Variants in SEMA3A observed in about 807,000 individuals in gnomAD.
SEMA3A encodes the protein semaphorin-3A.
SEMA3A carries 29 observed loss-of-function variants against 97.9 expected under a neutral mutation model. The observed-to-expected ratio is 0.30, with a 90% CI of 0.22 to 0.40. The LOEUF (loss-of-function observed/expected upper bound fraction) is 0.40, where lower values mean the gene tolerates loss of function less well. Ranked by LOEUF, SEMA3A falls within the 10% of genes least tolerant of loss-of-function variation. SEMA3A has a pLI of 1.00. For synonymous variants in SEMA3A, 321 were observed against 323.7 expected (o/e 0.99, Z 0.09); for missense variants, 763 against 951.3 (o/e 0.80, Z 2.60).
intron 2 of SEMA3A, among the ~76,000 whole-genome samples, chr7:84,354,054 GTCA>G (rs1802498590): frequency 6.6e-6 from 1 of 151,484 alleles, no homozygotes; most frequent in Non-Finnish European, 1.5e-5. Context: ...AAATAAAAAT[GTCA>G]TCATATTTTA....
Position 84,378,974 on chromosome 7 carries a change from T to C in SEMA3A, c.-245-7074A>G, listed in dbSNP as rs561303476. Among the ~76,000 whole-genome samples, 114 of 152,120 alleles carry C rather than the reference T, an allele frequency of 7.5e-4. 3 individuals are homozygous for C. The South Asian group carries it at 0.023, about 30-fold the overall frequency. ...TGGAATCTTGCTCTGTCGCCCAGGC[T>C]GGAGTGCAGTGGCACAATCTCGGCT... is the stretch of plus-strand genomic sequence containing the variant. On this transcript the variant is annotated intron_variant, in intron 1 of 3. Coordinates refer to the SEMA3A transcript ENST00000424555.
At chr7:84,352,335 T>TATA in intron 2 of SEMA3A, among the ~76,000 whole-genome samples, 1 of 151,130 alleles carries the variant, frequency 6.6e-6, no homozygotes, top group East Asian at 2.0e-4. Flanking sequence ...AGAGTGATTA[T>TATA]GGTCAAATAT....
At chr7:84,205,640 T>C (rs771890370) in intron 3 of SEMA3A, among the ~76,000 whole-genome samples, 2 of 152,188 alleles carry the variant, frequency 1.3e-5, no homozygotes, top group Non-Finnish European at 2.9e-5. Context: ...TGCCACAATC[T>C]GAATAGAATT....
chr7:84,023,995 G>C (rs1212481314), intron 6 of SEMA3A, among the ~76,000 whole-genome samples: 3 of 142,274 alleles, frequency 2.1e-5, no homozygotes, highest in African/African-American at 5.3e-5. Context: ...CTGGGCAACG[G>C]AGCGAGACTC....
At chr7:84,458,187 T>C (rs1028742626) in intron 1 of SEMA3A, among the ~76,000 whole-genome samples, 1 of 152,048 alleles carries the variant, frequency 6.6e-6, no homozygotes, top group African/African-American at 2.4e-5. Context: ...GTTTGTGATA[T>C]GGCATGCCTC....
chr7:84,163,853 T>TC, intron 1 of SEMA3A, among the ~76,000 whole-genome samples: 1 of 151,892 alleles, frequency 6.6e-6, no homozygotes, highest in South Asian at 2.1e-4. Flanking sequence ...TTTTTTTTTT[T>TC]TTTTTTTTTA....
chr7:83,999,049 A>G (rs180747208), intron 12 of SEMA3A, among the ~76,000 whole-genome samples: 13 of 152,320 alleles, frequency 8.5e-5, no homozygotes, highest in Admixed American at 2.0e-4. Flanking sequence ...GTAATTTTTT[A>G]TAAGTAGAAG....
At chr7:84,235,787 T>G (rs1799222848) in intron 3 of SEMA3A, among the ~76,000 whole-genome samples, 1 of 151,964 alleles carries the variant, frequency 6.6e-6, no homozygotes, top group African/African-American at 2.4e-5. Flanking sequence ...CATGGTCGAG[T>G]ATACTGTCTT....
At chr7:84,391,822 C>T (rs535687583) in intron 1 of SEMA3A, among the ~76,000 whole-genome samples, 5 of 151,762 alleles carry the variant, frequency 3.3e-5, no homozygotes, top group Non-Finnish European at 7.4e-5. Flanking sequence ...AAAATACAAA[C>T]GTTAGCTGGG....
chr7:84,036,154 A>C (rs1524879), intron 6 of SEMA3A, among the ~76,000 whole-genome samples: 44,419 of 151,796 alleles, frequency 0.29, 7,225 homozygotes, highest in East Asian at 0.6. Flanking sequence ...GGAATCCAAA[A>C]ATTTGTTTAA....
intron 1 of SEMA3A, among the ~76,000 whole-genome samples, chr7:84,191,538 T>C (rs561842257): frequency 6.6e-6 from 1 of 151,848 alleles, no homozygotes; most frequent in Non-Finnish European, 1.5e-5. Context: ...CTTCATTGTA[T>C]CACATATCCC....
intron 1 of SEMA3A, among the ~76,000 whole-genome samples, chr7:84,137,516 T>C (rs1015195189): frequency 1.6e-4 from 24 of 151,616 alleles, no homozygotes; most frequent in Middle Eastern, 6.4e-3. Flanking sequence ...CACTCTGAGT[T>C]GTGTGAGGAT....
intron 3 of SEMA3A, among the ~76,000 whole-genome samples, chr7:84,265,395 G>GTTCTGCT (rs1799964934): frequency 6.7e-6 from 1 of 148,642 alleles, no homozygotes; most frequent in South Asian, 2.1e-4. Flanking sequence ...CTGTAACTGC[G>GTTCTGCT]TTCTGCTTTC....
chr7:84,432,749 A>G lies in SEMA3A; in HGVS notation c.-246+59711T>C, dbSNP rs1268945274. 2.0e-5 allele frequency among the ~76,000 whole-genome samples: 3 copies of G among 152,038 alleles called. No individual in the cohort carries two copies. In the East Asian group the frequency reaches 5.8e-4, roughly 29 times the overall value. On this transcript the variant is annotated intron_variant, in intron 1 of 3. Transcript: ENST00000424555. ...TCTTTTTGTGGCTGCATAGTATTTC[A>G]TGGTGCATATGTGCCATATTTACTT... is the stretch of plus-strand genomic sequence containing the variant.
intron 2 of SEMA3A, among the ~76,000 whole-genome samples, chr7:84,330,672 T>C (rs1182848067): frequency 6.6e-6 from 1 of 152,086 alleles, no homozygotes; most frequent in Non-Finnish European, 1.5e-5. Context: ...CTGTGGTACA[T>C]GGGATATGGT....
At chr7:84,393,225 T>C (rs1456187167) in intron 1 of SEMA3A, among the ~76,000 whole-genome samples, 1 of 152,176 alleles carries the variant, frequency 6.6e-6, no homozygotes, top group Non-Finnish European at 1.5e-5. Flanking sequence ...TTTGTGTATA[T>C]GGTGTGAGAT....
intron 3 of SEMA3A, among the ~76,000 whole-genome samples, chr7:84,125,822 A>G (rs1381944568): frequency 6.6e-6 from 1 of 152,234 alleles, no homozygotes; most frequent in Admixed American, 6.5e-5. Context: ...TATCTCAGCC[A>G]TTGAATGAGT....
chr7:84,357,763 G>A (rs572603358), intron 2 of SEMA3A, among the ~76,000 whole-genome samples: 147 of 151,744 alleles, frequency 9.7e-4, no homozygotes, highest in Middle Eastern at 3.4e-3. Flanking sequence ...CAGTGTAAAA[G>A]TGATCGTATT....
upstream of SEMA3A, among the ~76,000 whole-genome samples, chr7:84,197,073 C>T (rs1798248708): frequency 6.6e-6 from 1 of 151,992 alleles, no homozygotes; most frequent in Admixed American, 6.6e-5. Context: ...GGAAGAAAAA[C>T]ATAAAATCTG....
Sources: gnomAD v4.1 joint callset for allele counts (sites outside exome capture counted in the v4.1 genomes callset) on GRCh38, gnomAD v4.1.1 for gene constraint, MANE v1.5 for transcripts, NCBI Gene and HGNC (gene_info 2026-07-23, HGNC 2026-07-21) for gene names.